The following EML1 variants were observed in gnomAD, a reference collection of about 807,000 sequenced individuals.
The protein encoded by EML1 is echinoderm microtubule-associated protein-like 1.
Under a neutral mutation model 110.4 loss-of-function variants are expected in EML1, and 27 were observed. The observed-to-expected ratio is 0.24, with a 90% CI of 0.18 to 0.34. The LOEUF (loss-of-function observed/expected upper bound fraction) is 0.34, where lower values mean the gene tolerates loss of function less well. Among genes scored for constraint, EML1 ranks in the 10% least tolerant of loss-of-function variants. The pLI, the probability that EML1 is intolerant of heterozygous loss-of-function variation, is 1.00. For missense variants in EML1, 741 were observed against 1,030.9 expected, an observed-to-expected ratio of 0.72 and a Z score of 3.85; for synonymous variants, 344 against 385.8, an observed-to-expected ratio of 0.89 and a Z score of 1.27.
chr14:99,866,476 A>G (rs957101727), intron 3 of EML1, among the ~76,000 whole-genome samples: 2 of 148,622 alleles, frequency 1.3e-5, no homozygotes, highest in African/African-American at 2.5e-5. Flanking sequence ...AGGCTGAGGC[A>G]GGAGAATCGC....
chr14:99,738,505 G>A (rs891762937), intron 1 of EML1, among the ~76,000 whole-genome samples: 8 of 152,248 alleles, frequency 5.3e-5, no homozygotes, highest in Admixed American at 5.2e-4. Context: ...GCCAGTTACA[G>A]AGCCAGCCTT....
At chr14:99,917,594 A>G (rs950894562) in intron 15 of EML1, among the ~76,000 whole-genome samples, 188 bp from the exon 16 acceptor site, 1 of 152,132 alleles carries the variant, frequency 6.6e-6, no homozygotes. Flanking sequence ...ATTTAGCATT[A>G]TTGAAACGCA....
Position 99,897,000 on chromosome 14 carries a change from G to A in EML1, c.678-145G>A, listed in dbSNP as rs970159654. 14 of 677,858 alleles carry A rather than the reference G, an allele frequency of 2.1e-5. No homozygotes were observed. In the South Asian group the frequency reaches 2.9e-4, roughly 14 times the overall value. 42.0% of individuals were successfully genotyped at this position (677,858 alleles called of 1,614,324 possible). ...TTTGGGGGTCACATGTATTTGTCAT[G>A]GAATATTTGCAATTTAATGTTGTTT... On this transcript the variant is annotated intron_variant, in intron 6 of 21. Coordinates refer to ENST00000262233, the MANE Select transcript of EML1 (RefSeq NM_004434.3).
chr14:99,794,808 A>G (rs981891378), intron 1 of EML1, among the ~76,000 whole-genome samples: 7 of 152,176 alleles, frequency 4.6e-5, no homozygotes, highest in African/African-American at 1.7e-4. Flanking sequence ...TTTGAGCCTC[A>G]GAAGGTGTTG....
intron 4 of EML1, among the ~76,000 whole-genome samples, chr14:99,885,293 G>A (rs1409353698): frequency 6.6e-6 from 1 of 152,234 alleles, no homozygotes; most frequent in Non-Finnish European, 1.5e-5. Flanking sequence ...GGTCCAGCCT[G>A]ATGGTCTAGC....
chr14:99,904,965 C>G (rs950665002), intron 9 of EML1, among the ~76,000 whole-genome samples: 2 of 152,204 alleles, frequency 1.3e-5, no homozygotes, highest in Admixed American at 6.5e-5. Flanking sequence ...ATTACCCTCA[C>G]AAATCCTTTT....
chr14:99,743,973 C>G (rs1322934299), intron 1 of EML1, among the ~76,000 whole-genome samples: 1 of 152,180 alleles, frequency 6.6e-6, no homozygotes, highest in Non-Finnish European at 1.5e-5. Context: ...GCAACCATTT[C>G]ACTATTTTTT....
At chr14:99,835,069 G>C (rs2058517660) in intron 1 of EML1, among the ~76,000 whole-genome samples, 1 of 151,814 alleles carries the variant, frequency 6.6e-6, no homozygotes, top group South Asian at 2.1e-4. Context: ...CAATCCACCT[G>C]CCTCAGCCTC....
exon 1 of EML1, chr14:99,773,932 G>C (rs1192984593): frequency 6.6e-6 from 1 of 152,274 alleles, no homozygotes; most frequent in East Asian, 1.9e-4. Flanking sequence ...TCTGCCCCCC[G>C]CATCTCCCCT....
At position 99,806,512 on chromosome 14, in the gene EML1, C is replaced by T. The variant is rs552671601; in HGVS notation, c.67+12969C>T. Among the ~76,000 whole-genome samples the T allele has an allele frequency of 4.6e-5, 7 of 152,104 alleles. No homozygotes were observed. The East Asian group carries it at 1.4e-3, about 29-fold the overall frequency. ...TGTATTTTTAGTAGAGATGAGGTTT[C>T]TCCATGTTGGTCAGGCTGGTCTCGA... On this transcript the variant is annotated intron_variant, in intron 1 of 21. Coordinates refer to ENST00000262233, the MANE Select transcript of EML1 (RefSeq NM_004434.3).
At chr14:99,907,873 C>T (rs2059880603) in intron 10 of EML1, 140 bp downstream of exon 10, 8 of 705,786 alleles carry the variant, frequency 1.1e-5, no homozygotes, top group Non-Finnish European at 1.9e-5. Context: ...ATCGTTTGGC[C>T]CCGATCCCTG....
Position 99,793,690 on chromosome 14 carries a change from C to T in EML1, c.67+147C>T, listed in dbSNP as rs956055570. 1.2e-4 allele frequency: 57 copies of T among 482,682 alleles called. No individual in the cohort carries two copies. The East Asian group carries it at 6.4e-3, about 54-fold the overall frequency. The allele number at this position is 482,682 out of a possible 1,614,324, so 29.9% of individuals were successfully genotyped here. ...TTGTTGCGGAGGGGCGCGCGGTCCCCGTTCCCGCCGCCGGCGCATTGTGTT... is the reference window on the plus strand; with the variant it reads ...TTGTTGCGGAGGGGCGCGCGGTCCCTGTTCCCGCCGCCGGCGCATTGTGTT... On this transcript the variant is annotated intron_variant, in intron 1 of 21. Coordinates refer to ENST00000262233, the MANE Select transcript of EML1 (RefSeq NM_004434.3).
intron 1 of EML1, among the ~76,000 whole-genome samples, chr14:99,806,127 G>A (rs1410070745): frequency 6.6e-6 from 1 of 152,070 alleles, no homozygotes; most frequent in Non-Finnish European, 1.5e-5. Context: ...ATAGTTTCAT[G>A]AAGTTACAGA....
chr14:99,802,704 G>A (rs576341838), intron 1 of EML1, among the ~76,000 whole-genome samples: 1 of 152,200 alleles, frequency 6.6e-6, no homozygotes, highest in East Asian at 1.9e-4. Flanking sequence ...GGACATATGG[G>A]ATACAAGCTG....
In EML1 at chr14:99,901,795, C is replaced by G. The variant is rs114374266; in HGVS notation, c.1008+756C>G. ...GTTATATCAGCAAGGTTTTTATGAC[C>G]TGTACCTTGTGCCAACCTCCATCTC... is the stretch of plus-strand genomic sequence containing the variant. On this transcript the variant is annotated intron_variant, in intron 9 of 21. Transcript: ENST00000262233. 3.6e-3 allele frequency among the ~76,000 whole-genome samples: 552 copies of G among 152,274 alleles called. 5 individuals carry two copies. Among genetic ancestry groups the G allele is most frequent in the African/African-American group, 0.013 (528 of 41,548 alleles).
rs373935674 is a variant in EML1 at position 99,845,877 on chromosome 14, C to G, written c.68-4976C>G. 7.2e-5 allele frequency among the ~76,000 whole-genome samples: 11 copies of G among 151,774 alleles called. No homozygotes were observed. In the East Asian group the frequency reaches 1.8e-3, roughly 24 times the overall value. On this transcript the variant is annotated intron_variant, in intron 1 of 21. Transcript: ENST00000262233. ...ACCAGCCTGGCCAATGTGGTGAAAC[C>G]CCATCCTACTAAAAATACAAAAATT...
intron 1 of EML1, among the ~76,000 whole-genome samples, chr14:99,839,664 C>T (rs780340257): frequency 7.2e-5 from 11 of 152,164 alleles, no homozygotes; most frequent in Non-Finnish European, 1.3e-4. Flanking sequence ...AATCAATATT[C>T]GATGACAAAT....
intron 1 of EML1, among the ~76,000 whole-genome samples, chr14:99,823,779 CAG>C (rs1418780247): frequency 6.6e-6 from 1 of 152,118 alleles, no homozygotes; most frequent in Non-Finnish European, 1.5e-5. Flanking sequence ...AGAACTAAAA[CAG>C]TGACTGAAGG....
At chr14:99,872,843 A>G (rs2059227679) in intron 3 of EML1, among the ~76,000 whole-genome samples, 1 of 152,208 alleles carries the variant, frequency 6.6e-6, no homozygotes, top group African/African-American at 2.4e-5. Context: ...TCAGAGTTCC[A>G]AATTAAATGA....
Sources: gnomAD v4.1 joint callset for allele counts (sites outside exome capture counted in the v4.1 genomes callset) on GRCh38, gnomAD v4.1.1 for gene constraint, MANE v1.5 for transcripts, NCBI Gene and HGNC (gene_info 2026-07-23, HGNC 2026-07-21) for gene names.